NFKB2: variants seen among roughly 807,000 people sequenced by gnomAD.
NFKB2 encodes nuclear factor NF-kappa-B p100 subunit.
NFKB2 carries 21 observed loss-of-function variants against 109.3 expected under a neutral mutation model. The ratio of observed to expected loss-of-function variants is 0.19; its 90% confidence interval spans 0.14 to 0.28. The LOEUF (loss-of-function observed/expected upper bound fraction) is 0.28, where lower values mean the gene tolerates loss of function less well. Among genes scored for constraint, NFKB2 ranks in the 10% least tolerant of loss-of-function variants. The pLI is 1.00. For missense variants in NFKB2, 806 were observed against 1,185.3 expected (o/e 0.68, Z 4.70); for synonymous variants, 478 against 489.9 (o/e 0.98, Z 0.32).
chr10:102,395,584 A>G (rs2061090773), upstream of NFKB2: 7 of 392,720 alleles, frequency 1.8e-5, no homozygotes, highest in South Asian at 1.0e-4. Context: ...GGGAGCCCGT[A>G]GACTGTCGAG....
Position 102,396,660 on chromosome 10 carries a change from T to G in NFKB2, c.145-65T>G. The G allele has an allele frequency of 6.4e-7, 1 of 1,559,650 alleles. No homozygotes were observed. Among genetic ancestry groups the G allele is most frequent in the South Asian group, 1.1e-5 (1 of 89,554 alleles). The stretch of plus-strand genomic sequence containing the variant: ...TTGGTTCAGGGCTACTACCAGGCAC[T>G]GCGGTCACTGCTGGCCTGGGTGGTC... On this transcript the variant is annotated intron_variant, in intron 4 of 22. Coordinates refer to ENST00000661543, the MANE Select transcript of NFKB2 (RefSeq NM_001322934.2). The surrounding 1 kb of genome is among the most constrained non-coding windows in gnomAD (Gnocchi z 5.9).
At position 102,401,370 on chromosome 10, in the gene NFKB2, G is replaced by C; in HGVS notation, c.2223+39G>C. ...GGGACTAGAAGTGCTCTGAGTGACG[G>C]GGTCCAGAGTATCTGGACTTAAAGA... On this transcript the variant is annotated intron_variant, in intron 19 of 22. Coordinates refer to ENST00000661543, the MANE Select transcript of NFKB2 (RefSeq NM_001322934.2). This position sits in a 1 kb window ranked among gnomAD's most constrained non-coding sequence, Gnocchi z 4.2. 6.2e-7 allele frequency: 1 copy of C among 1,610,304 alleles called. No homozygotes were observed. The highest frequency in any genetic ancestry group is 8.5e-7 in the Non-Finnish European group (1 of 1,177,492).
In NFKB2 at chr10:102,397,564, A is replaced by C. The variant is rs761541964; in HGVS notation, c.540A>C (p.Glu180Asp). 6.2e-7 allele frequency: 1 copy of C among 1,613,866 alleles called. No individual in the cohort carries two copies. The highest frequency in any genetic ancestry group is 1.1e-5 in the South Asian group (1 of 91,076). Residue 180 changes from glutamate to aspartate, a missense_variant, in exon 8 of 23, where the codon GAA becomes GAC. By Grantham distance (45) the Glu-to-Asp change is conservative. Transcript: ENST00000661543. The surrounding 1 kb of genome is among the most constrained non-coding windows in gnomAD (Gnocchi z 4.7). ...GGGAGCTGGAGCAAGAGGCCAAAGA[A>C]CTGAAGAAGGTGATGGATCTGAGTA... ...EQRELEQEAK[E>D]LKKVMDLSIV...
chr10:102,394,388 C>G (rs868777391), upstream of NFKB2: 36 of 152,526 alleles, frequency 2.4e-4, no homozygotes, highest in African/African-American at 8.2e-4. Flanking sequence ...GCGCCCGAGT[C>G]GCTCCGGGTT....
In NFKB2 at chr10:102,396,534, G is replaced by A. The variant is rs773864119; in HGVS notation, c.144+45G>A. 6.2e-7 allele frequency: 1 copy of A among 1,613,126 alleles called. No individual in the cohort carries two copies. The highest frequency in any genetic ancestry group is 8.5e-7 in the Non-Finnish European group (1 of 1,179,858). ...GGTGTGGAATGGCTTCAGCTTTGGG[G>A]ACAAATGGGGTAGTGGTAGCTGGCT... On this transcript the variant is annotated intron_variant, in intron 4 of 22. Transcript: ENST00000661543. This position sits in a 1 kb window ranked among gnomAD's most constrained non-coding sequence, Gnocchi z 5.9.
At chr10:102,399,794 A>G (rs2061194628) in intron 14 of NFKB2, 76 bp downstream of exon 14, 1 of 1,432,114 alleles carries the variant, frequency 7.0e-7, no homozygotes, top group Non-Finnish European at 9.1e-7. Flanking sequence ...CGGGCTCTGC[A>G]GTTTTCGGAC....
rs2061215889 is a variant in NFKB2 at position 102,400,574 on chromosome 10, G to A, written c.1799-81G>A. 1.3e-6 allele frequency: 2 copies of A among 1,597,686 alleles called. No individual in the cohort carries two copies. Among genetic ancestry groups the A allele is most frequent in the South Asian group, 2.2e-5 (2 of 89,380 alleles). ...GCCAGTGCCCAGAATGGACTATGAG[G>A]TGTCGAGATTGAATGGTCAGGGCTG... On this transcript the variant is annotated intron_variant, in intron 16 of 22. Coordinates refer to ENST00000661543, the MANE Select transcript of NFKB2 (RefSeq NM_001322934.2). This position sits in a 1 kb window ranked among gnomAD's most constrained non-coding sequence, Gnocchi z 6.3.
chr10:102,395,374 C>CCGTGG (rs555635970), upstream of NFKB2, among the ~76,000 whole-genome samples: 26 of 152,304 alleles, frequency 1.7e-4, no homozygotes, highest in Non-Finnish European at 3.5e-4. Context: ...GGTTTATCAG[C>CCGTGG]CGTGGCCTCC....
In NFKB2 at chr10:102,396,845, G is replaced by A; in HGVS notation, c.243+22G>A. Reference sequence around the variant, plus strand: ...CAAGGTGAGCCAGGATGGTGCTGGAGGGTGGGCTAAGTGGACAGCATGCCC... The same window carrying A: ...CAAGGTGAGCCAGGATGGTGCTGGAAGGTGGGCTAAGTGGACAGCATGCCC... On this transcript the variant is annotated intron_variant, in intron 5 of 22. Coordinates refer to ENST00000661543, the MANE Select transcript of NFKB2 (RefSeq NM_001322934.2). This position sits in a 1 kb window ranked among gnomAD's most constrained non-coding sequence, Gnocchi z 5.9. 6.2e-7 allele frequency: 1 copy of A among 1,605,950 alleles called. No homozygotes were observed. The highest frequency in any genetic ancestry group is 1.3e-5 in the African/African-American group (1 of 74,872).
Position 102,397,913 on chromosome 10 carries a change from G to GC in NFKB2, c.662-63dup. Reference sequence around the variant, plus strand: ...GGGTTGCTGAGATAAGGAATACAAAGCCCCCAGCTTCTTAAATGTGGCCTT... The same window carrying GC: ...GGGTTGCTGAGATAAGGAATACAAAGCCCCCCAGCTTCTTAAATGTGGCCTT... On this transcript the variant is annotated intron_variant, in intron 8 of 22. Transcript: ENST00000661543. The surrounding 1 kb of genome is among the most constrained non-coding windows in gnomAD (Gnocchi z 4.7). 1 of 1,513,912 alleles carries GC rather than the reference G, an allele frequency of 6.6e-7. No individual in the cohort carries two copies. The highest frequency in any genetic ancestry group is 9.2e-7 in the Non-Finnish European group (1 of 1,091,628). The allele number at this position is 1,513,912 out of a possible 1,614,324, so 93.8% of individuals were successfully genotyped here. A position where few individuals can be genotyped will look rare whatever the true frequency, so the allele number is the denominator to read the frequency against.
Position 102,398,876 on chromosome 10 carries a change from C to T in NFKB2, c.1117+12C>T, listed in dbSNP as rs759407137. On this transcript the variant is annotated intron_variant, in intron 12 of 22. Coordinates refer to ENST00000661543, the MANE Select transcript of NFKB2 (RefSeq NM_001322934.2). The surrounding 1 kb of genome is among the most constrained non-coding windows in gnomAD (Gnocchi z 6.6). Reference sequence around the variant, plus strand: ...AGGAGCTGGAGGAGGTGAGGGGGTACTGATGGAGGGAGGGGTAAAGGTAAG... The same window carrying T: ...AGGAGCTGGAGGAGGTGAGGGGGTATTGATGGAGGGAGGGGTAAAGGTAAG... 17 of 1,583,136 alleles carry T rather than the reference C, an allele frequency of 1.1e-5. No individual in the cohort carries two copies. Among genetic ancestry groups the T allele is most frequent in the African/African-American group, 1.4e-5 (1 of 73,884 alleles).
chr10:102,397,385 G>T lies in NFKB2; in HGVS notation c.479G>T (p.Arg160Leu). ...CAAAAACTTCAGAGGCAGCGGCTCC[G>T]CTCTAGGCCCCAGGGCCTTACGGGT... Reference protein sequence around the residue: ...MIQKLQRQRLRSRPQGLTEAE... With the variant: ...MIQKLQRQRLLSRPQGLTEAE... Residue 160 changes from arginine to leucine, a missense_variant, in exon 7 of 23, where the codon CGC becomes CTC. Around this residue, in one of 10 missense-constraint regions of NFKB2, gnomAD observed 62 missense variants for 102.2 expected, o/e 0.61. Coordinates refer to ENST00000661543, the MANE Select transcript of NFKB2 (RefSeq NM_001322934.2). The surrounding 1 kb of genome is among the most constrained non-coding windows in gnomAD (Gnocchi z 4.7). 6.2e-7 allele frequency: 1 copy of T among 1,602,244 alleles called. No homozygotes were observed. The highest frequency in any genetic ancestry group is 8.5e-7 in the Non-Finnish European group (1 of 1,175,922).
Position 102,396,221 on chromosome 10 carries a change from C to T in NFKB2, c.22-32C>T. ...TGGGGCTGTGGGGGGTGCTGAGAGT[C>T]GGATGCCACCCCCAGTCTGTCTCCA... On this transcript the variant is annotated intron_variant, in intron 2 of 22. Transcript: ENST00000661543. The surrounding 1 kb of genome is among the most constrained non-coding windows in gnomAD (Gnocchi z 5.9). 1.3e-6 allele frequency: 2 copies of T among 1,588,568 alleles called. No homozygotes were observed. The highest frequency in any genetic ancestry group is 1.7e-6 in the Non-Finnish European group (2 of 1,160,668).
chr10:102,401,638 C>T lies in NFKB2; in HGVS notation c.2294-107C>T. The T allele has an allele frequency of 6.6e-7, 1 of 1,526,182 alleles. No homozygotes were observed. Among genetic ancestry groups the T allele is most frequent in the Non-Finnish European group, 8.9e-7 (1 of 1,122,898 alleles). 94.5% of individuals were successfully genotyped at this position (1,526,182 alleles called of 1,614,324 possible). A position where few individuals can be genotyped will look rare whatever the true frequency, so the allele number is the denominator to read the frequency against. ...ACCCTCAGCCCCGTCCATCACCCCTCATGGTCCTGTCTGTCGCTTACCTTG... is the reference window on the plus strand; with the variant it reads ...ACCCTCAGCCCCGTCCATCACCCCTTATGGTCCTGTCTGTCGCTTACCTTG... On this transcript the variant is annotated intron_variant, in intron 20 of 22. Transcript: ENST00000661543. The surrounding 1 kb of genome is among the most constrained non-coding windows in gnomAD (Gnocchi z 4.2).
Position 102,401,750 on chromosome 10 carries a change from G to C in NFKB2, c.2299G>C (p.Gly767Arg), listed in dbSNP as rs1198425449. 1 of 1,600,836 alleles carries C rather than the reference G, an allele frequency of 6.2e-7. No homozygotes were observed. Among genetic ancestry groups the C allele is most frequent in the African/African-American group, 1.3e-5 (1 of 74,714 alleles). The change falls in exon 21 of 23, where the codon GGA becomes CGA. Residue 767 changes from glycine (G) to arginine (R), a missense_variant. Physicochemically the swap from Gly to Arg is moderately radical, Grantham distance 125 (BLOSUM62 -2). Transcript: ENST00000661543. The surrounding 1 kb of genome is among the most constrained non-coding windows in gnomAD (Gnocchi z 4.2). Reference sequence around the variant, plus strand: ...TGTATGTGTGTCCCCCTAAGGGCCGGGACTGTCACTTGGTGATACAGCTCT... The same window carrying C: ...TGTATGTGTGTCCCCCTAAGGGCCGCGACTGTCACTTGGTGATACAGCTCT... ...PLTPPSPAGP[G>R]LSLGDTALQN...
In NFKB2 at chr10:102,401,951, C is replaced by T; in HGVS notation, c.2466+34C>T. The T allele has an allele frequency of 6.3e-7, 1 of 1,599,424 alleles. No individual in the cohort carries two copies. The highest frequency in any genetic ancestry group is 8.5e-7 in the Non-Finnish European group (1 of 1,171,458). On this transcript the variant is annotated intron_variant, in intron 21 of 22. Coordinates refer to ENST00000661543, the MANE Select transcript of NFKB2 (RefSeq NM_001322934.2). This position sits in a 1 kb window ranked among gnomAD's most constrained non-coding sequence, Gnocchi z 4.2. ...GCCTGTGCCCTGCCCCCTCCCCAGC[C>T]TCCTTTCCCGATCTGAGTCCAGGTG... is the stretch of plus-strand genomic sequence containing the variant.
upstream of NFKB2, chr10:102,395,679 T>G: frequency 1.9e-6 from 1 of 515,602 alleles, no homozygotes; most frequent in Non-Finnish European, 3.5e-6. Flanking sequence ...CCCCTTGGTA[T>G]TTTCGGGACT....
At chr10:102,395,639 T>C, upstream of NFKB2, 1 of 476,348 alleles carries the variant, frequency 2.1e-6, no homozygotes, top group East Asian at 3.4e-5. Flanking sequence ...AGTGGCGTCA[T>C]TTCCAGGCCC....
chr10:102,400,584 T>C lies in NFKB2; in HGVS notation c.1799-71T>C, dbSNP rs2061216359. ...AGAATGGACTATGAGGTGTCGAGAT[T>C]GAATGGTCAGGGCTGGTCCAGGGGC... On this transcript the variant is annotated intron_variant, in intron 16 of 22. Coordinates refer to ENST00000661543, the MANE Select transcript of NFKB2 (RefSeq NM_001322934.2). This position sits in a 1 kb window ranked among gnomAD's most constrained non-coding sequence, Gnocchi z 6.3. The C allele has an allele frequency of 6.2e-7, 1 of 1,600,908 alleles. No individual in the cohort carries two copies. The highest frequency in any genetic ancestry group is 1.7e-5 in the Admixed American group (1 of 58,948).
Sources: gnomAD v4.1 joint callset for allele counts (sites outside exome capture counted in the v4.1 genomes callset) on GRCh38, gnomAD v4.1.1 for gene constraint, gnomAD v4.1.1 regional missense constraint, Gnocchi (gnomAD v3.1) non-coding constraint, MANE v1.5 for transcripts, NCBI Gene and HGNC (gene_info 2026-07-23, HGNC 2026-07-21) for gene names.